TSPAN14: variants seen among roughly 807,000 people sequenced by gnomAD.
TSPAN14 encodes the protein tetraspanin 14.
In TSPAN14, 16 loss-of-function variants were observed where a neutral mutation model predicts 36.6. The observed-to-expected ratio is 0.44, with a 90% confidence interval of 0.30 to 0.66. The LOEUF (loss-of-function observed/expected upper bound fraction) is 0.66, where lower values mean the gene tolerates loss of function less well. Ranked by LOEUF, TSPAN14 falls within the 30% of genes least tolerant of loss-of-function variation. The pLI, the probability that TSPAN14 is intolerant of heterozygous loss-of-function variation, is 0.12. For synonymous variants in TSPAN14, 139 were observed against 143.8 expected (o/e 0.97, Z 0.24); for missense variants, 231 against 355.1 (o/e 0.65, Z 2.81).
At chr10:80,517,905 A>G (rs1589311912) in exon 9 of TSPAN14, 1 of 1,562,896 alleles carries the variant, frequency 6.4e-7, no homozygotes, top group Non-Finnish European at 8.7e-7. Context: ...TTGGTTTCAG[A>G]TATTTGGCAT....
intron 1 of TSPAN14, among the ~76,000 whole-genome samples, chr10:80,470,932 C>T (rs1217132401): frequency 6.6e-6 from 1 of 152,178 alleles, no homozygotes; most frequent in Non-Finnish European, 1.5e-5. Context: ...GCTGCCAGGT[C>T]GGGTTGCAGT....
exon 9 of TSPAN14, chr10:80,518,047 G>A (rs541895046): frequency 8.4e-5 from 126 of 1,491,632 alleles, no homozygotes; most frequent in South Asian, 1.2e-4. Flanking sequence ...TCAGCCCTAC[G>A]TCCAGAGGGA....
intron 1 of TSPAN14, among the ~76,000 whole-genome samples, chr10:80,479,469 A>G (rs1257830576): frequency 1.3e-5 from 2 of 152,238 alleles, no homozygotes; most frequent in Non-Finnish European, 2.9e-5. Flanking sequence ...TAATTTTTGT[A>G]TAAAGTGCAA....
chr10:80,498,710 C>T (rs902530919), intron 2 of TSPAN14, among the ~76,000 whole-genome samples: 2 of 152,148 alleles, frequency 1.3e-5, no homozygotes, highest in African/African-American at 2.4e-5. Context: ...GTCTGCCGTG[C>T]GGGAGGGCAT....
At chr10:80,456,410 C>T (rs1435021245) in intron 1 of TSPAN14, among the ~76,000 whole-genome samples, 1 of 152,162 alleles carries the variant, frequency 6.6e-6, no homozygotes, top group African/African-American at 2.4e-5. Context: ...GAAGGTCCTT[C>T]TCATGTAGGA....
At chr10:80,468,304 A>AG (rs1366739085) in intron 1 of TSPAN14, among the ~76,000 whole-genome samples, 1 of 152,112 alleles carries the variant, frequency 6.6e-6, no homozygotes, top group Non-Finnish European at 1.5e-5. Context: ...CGAACACAGG[A>AG]GGGCGGTGGT....
At chr10:80,483,540 G>C (rs909482170) in intron 1 of TSPAN14, among the ~76,000 whole-genome samples, 6 of 152,148 alleles carry the variant, frequency 3.9e-5, no homozygotes, top group African/African-American at 1.4e-4. Context: ...CCAAATGGTA[G>C]TAACCGTTTC....
At chr10:80,489,260 C>T in exon 2 of TSPAN14, 1 of 1,585,980 alleles carries the variant, frequency 6.3e-7, no homozygotes, top group Non-Finnish European at 8.6e-7. Context: ...ACTCTAACGC[C>T]AAGGTCAGCT....
intron 2 of TSPAN14, among the ~76,000 whole-genome samples, chr10:80,501,056 C>T (rs1265539212): frequency 6.6e-6 from 1 of 151,992 alleles, no homozygotes; most frequent in African/African-American, 2.4e-5. Context: ...TAAAACAGCA[C>T]CTCAGCGTGA....
intron 6 of TSPAN14, among the ~76,000 whole-genome samples, chr10:80,512,677 A>C (rs192141479): frequency 5.7e-4 from 86 of 152,028 alleles, no homozygotes; most frequent in Non-Finnish European, 8.4e-4. Flanking sequence ...GTAGTGGAGA[A>C]TTATTTTCTT....
intron 1 of TSPAN14, among the ~76,000 whole-genome samples, chr10:80,475,720 A>G (rs971328268): frequency 1.3e-5 from 2 of 152,014 alleles, no homozygotes; most frequent in Non-Finnish European, 2.9e-5. Context: ...CCAAGTAGCT[A>G]GGATTATAGG....
At chr10:80,469,433 T>C (rs1175309983) in intron 1 of TSPAN14, among the ~76,000 whole-genome samples, 1 of 152,198 alleles carries the variant, frequency 6.6e-6, no homozygotes, top group African/African-American at 2.4e-5. Context: ...GCTCTCCTGA[T>C]TTCACTTTAC....
At chr10:80,520,563 T>G (rs1841207762) in exon 9 of TSPAN14, 1 of 519,446 alleles carries the variant, frequency 1.9e-6, no homozygotes, top group Non-Finnish European at 4.0e-6. Context: ...AGCCTTGGGG[T>G]CTTTCCTGTA....
intron 6 of TSPAN14, 116 bp downstream of exon 6, chr10:80,512,385 G>T: frequency 7.0e-7 from 1 of 1,435,184 alleles, no homozygotes; most frequent in Non-Finnish European, 9.3e-7. Context: ...AGGAGCAGGT[G>T]TGCTTTCTCC....
intron 8 of TSPAN14, among the ~76,000 whole-genome samples, chr10:80,517,458 C>T (rs1840997193): frequency 6.6e-6 from 1 of 152,240 alleles, no homozygotes; most frequent in South Asian, 2.1e-4. Flanking sequence ...ACATTATTAG[C>T]ACAGCCAAAA....
intron 1 of TSPAN14, among the ~76,000 whole-genome samples, chr10:80,464,480 TC>T (rs1846136986): frequency 6.6e-6 from 1 of 152,172 alleles, no homozygotes; most frequent in African/African-American, 2.4e-5. Flanking sequence ...TCTGGTTGTT[TC>T]CCTGTGTGGC....
intron 2 of TSPAN14, among the ~76,000 whole-genome samples, chr10:80,499,758 T>C (rs1197998419): frequency 6.6e-6 from 1 of 152,224 alleles, no homozygotes; most frequent in African/African-American, 2.4e-5. Flanking sequence ...AAGTATTTAA[T>C]GCAGCGCACA....
intron 1 of TSPAN14, among the ~76,000 whole-genome samples, chr10:80,469,321 A>G (rs377567946): frequency 2.0e-5 from 3 of 152,144 alleles, no homozygotes; most frequent in East Asian, 1.9e-4. Context: ...AGCATTTTCT[A>G]TAAAGATGTT....
exon 9 of TSPAN14, chr10:80,518,104 G>C (rs74143164): frequency 1.0e-6 from 1 of 976,674 alleles, no homozygotes; most frequent in East Asian, 2.6e-5. Context: ...AAGCATCAGC[G>C]TGACGTGACC....
Sources: gnomAD v4.1 joint callset for allele counts (sites outside exome capture counted in the v4.1 genomes callset) on GRCh38, gnomAD v4.1.1 for gene constraint, MANE v1.5 for transcripts, NCBI Gene and HGNC (gene_info 2026-07-23, HGNC 2026-07-21) for gene names.